ZFAND3: variants seen among roughly 807,000 people sequenced by gnomAD.
ZFAND3 encodes AN1-type zinc finger protein 3.
ZFAND3 carries 10 observed loss-of-function variants against 29.6 expected under a neutral mutation model. The ratio of observed to expected loss-of-function variants is 0.34; its 90% CI spans 0.21 to 0.57. ZFAND3 has a LOEUF of 0.57. ZFAND3 is among the 20% of genes least tolerant of loss of function. The pLI, the probability that ZFAND3 is intolerant of heterozygous loss-of-function variation, is 0.86. For synonymous variants in ZFAND3, 128 were observed against 112.6 expected (o/e 1.14, Z -0.87); for missense variants, 230 against 304.5 (o/e 0.76, Z 1.82).
chr6:38,054,963 G>A (rs1048398734), intron 2 of ZFAND3, among the ~76,000 whole-genome samples: 1 of 152,118 alleles, frequency 6.6e-6, no homozygotes, highest in African/African-American at 2.4e-5. Context: ...CGGTTGAGAT[G>A]GGGGTGGGGG....
At chr6:37,967,086 A>G (rs1452003326) in intron 2 of ZFAND3, among the ~76,000 whole-genome samples, 1 of 152,158 alleles carries the variant, frequency 6.6e-6, no homozygotes, top group Non-Finnish European at 1.5e-5. Context: ...CATTAGGGTG[A>G]TATCTGCTGG....
At chr6:37,908,208 T>C (rs1291184230) in intron 1 of ZFAND3, among the ~76,000 whole-genome samples, 1 of 152,258 alleles carries the variant, frequency 6.6e-6, no homozygotes, top group Non-Finnish European at 1.5e-5. Flanking sequence ...CTCATTGTTT[T>C]TAATGATTTG....
intron 1 of ZFAND3, among the ~76,000 whole-genome samples, chr6:37,827,823 G>A (rs976340232): frequency 6.6e-5 from 10 of 152,232 alleles, no homozygotes; most frequent in African/African-American, 2.4e-4. Context: ...TATTAGGGCA[G>A]AAGAATGTCC....
chr6:37,909,849 T>G (rs187874594), intron 1 of ZFAND3, among the ~76,000 whole-genome samples: 2 of 152,284 alleles, frequency 1.3e-5, no homozygotes, highest in Non-Finnish European at 1.5e-5. Flanking sequence ...GCTCTATCAT[T>G]GATTTGTGAC....
intron 2 of ZFAND3, among the ~76,000 whole-genome samples, chr6:37,932,913 A>G (rs1357407272): frequency 6.6e-6 from 1 of 152,224 alleles, no homozygotes; most frequent in Non-Finnish European, 1.5e-5. Context: ...TGCTTTCTCC[A>G]GTTGCATTTG....
intron 2 of ZFAND3, among the ~76,000 whole-genome samples, chr6:38,030,775 A>C (rs781758623): frequency 2.0e-5 from 3 of 149,984 alleles, no homozygotes; most frequent in Non-Finnish European, 3.0e-5. Context: ...AAAGAAGTAC[A>C]AAAAAAAAGA....
At chr6:37,870,704 G>GA (rs1186247399) in intron 1 of ZFAND3, among the ~76,000 whole-genome samples, 1 of 151,806 alleles carries the variant, frequency 6.6e-6, no homozygotes, top group East Asian at 1.9e-4. Flanking sequence ...GAATGAATGA[G>GA]ACAGGGTCTT....
At chr6:38,147,884 G>C (rs56021282) in intron 5 of ZFAND3, among the ~76,000 whole-genome samples, 10,487 of 152,116 alleles carry the variant, frequency 0.069, 435 homozygotes, top group Non-Finnish European at 0.088. Flanking sequence ...GTGATTTGCA[G>C]ATATTTTTTC....
chr6:38,027,034 A>G (rs1763464672), intron 2 of ZFAND3, among the ~76,000 whole-genome samples: 4 of 152,156 alleles, frequency 2.6e-5, no homozygotes, highest in African/African-American at 9.7e-5. Context: ...CGTTCCCTAA[A>G]TATTTTCCCC....
At chr6:38,010,034 A>G (rs940611344) in intron 2 of ZFAND3, among the ~76,000 whole-genome samples, 1 of 152,212 alleles carries the variant, frequency 6.6e-6, no homozygotes, top group African/African-American at 2.4e-5. Flanking sequence ...ATGTCTAAAT[A>G]AAGACCAAAA....
Position 37,820,591 on chromosome 6 carries a change from A to G in ZFAND3, c.71+575A>G, listed in dbSNP as rs542208405. On this transcript the variant is annotated intron_variant, in intron 1 of 5. Transcript: ENST00000287218. ...AGAACCAGGCTGGGGTAAAGTTATAAGATTGTTGAGGTCTCACCTTCATGT... is the reference window on the plus strand; with the variant it reads ...AGAACCAGGCTGGGGTAAAGTTATAGGATTGTTGAGGTCTCACCTTCATGT... 8.5e-5 allele frequency among the ~76,000 whole-genome samples: 13 copies of G among 152,342 alleles called. No individual in the cohort carries two copies. The East Asian group carries it at 2.5e-3, about 29-fold the overall frequency.
At chr6:37,991,497 C>T (rs1183749096) in intron 2 of ZFAND3, among the ~76,000 whole-genome samples, 7 of 151,916 alleles carry the variant, frequency 4.6e-5, no homozygotes, top group Non-Finnish European at 7.4e-5. Flanking sequence ...GGATTACAGG[C>T]GCCTGCCACT....
chr6:37,990,699 T>A (rs1386942678), intron 2 of ZFAND3, among the ~76,000 whole-genome samples: 1 of 152,240 alleles, frequency 6.6e-6, no homozygotes, highest in Non-Finnish European at 1.5e-5. Context: ...TTATTTTCTT[T>A]ATACTAAATC....
At chr6:37,908,997 A>AAG (rs1765468908) in intron 1 of ZFAND3, among the ~76,000 whole-genome samples, 1 of 152,116 alleles carries the variant, frequency 6.6e-6, no homozygotes, top group South Asian at 2.1e-4. Context: ...TTGTCTCCTT[A>AAG]GGTTTCTGTA....
At position 37,949,983 on chromosome 6, in the gene ZFAND3, A is replaced by G. The variant is rs80247324; in HGVS notation, c.112+19984A>G. On this transcript the variant is annotated intron_variant, in intron 2 of 5. Transcript: ENST00000287218. ...GGAGGGTATTAAGACCCACAATCAG[A>G]AAAGGTAGGGGAACATGAGACAGGA... is the stretch of plus-strand genomic sequence containing the variant. Among the ~76,000 whole-genome samples the G allele has an allele frequency of 0.017, 2,584 of 152,294 alleles. 252 individuals are homozygous for G. In the East Asian group the frequency reaches 0.28, roughly 16 times the overall value.
chr6:37,956,293 A>G (rs1047110581), intron 2 of ZFAND3, among the ~76,000 whole-genome samples: 3 of 152,132 alleles, frequency 2.0e-5, no homozygotes, highest in African/African-American at 4.8e-5. Flanking sequence ...CTGATTTAGG[A>G]GGCATGAGGT....
chr6:37,961,988 A>G (rs1762206561), intron 2 of ZFAND3, among the ~76,000 whole-genome samples: 1 of 152,226 alleles, frequency 6.6e-6, no homozygotes, highest in African/African-American at 2.4e-5. Flanking sequence ...TGATTGAGGA[A>G]AACATGATCT....
intron 3 of ZFAND3, among the ~76,000 whole-genome samples, chr6:38,075,615 T>G (rs1258596059): frequency 6.6e-6 from 1 of 152,204 alleles, no homozygotes; most frequent in African/African-American, 2.4e-5. Context: ...TTACATAAAC[T>G]TAGTTGATAA....
At chr6:37,992,666 ATAAAAT>A (rs1762779293) in intron 2 of ZFAND3, among the ~76,000 whole-genome samples, 3 of 152,214 alleles carry the variant, frequency 2.0e-5, no homozygotes, top group Non-Finnish European at 4.4e-5. Context: ...CAATAATTCC[ATAAAAT>A]TGAATATACA....
Sources: allele counts gnomAD v4.1 joint callset (sites outside exome capture counted in the v4.1 genomes callset), GRCh38; gene constraint gnomAD v4.1.1; transcripts MANE v1.5; gene names NCBI Gene and HGNC (gene_info 2026-07-23, HGNC 2026-07-21).